ZC3H12B: variants seen among roughly 807,000 people sequenced by gnomAD.
ZC3H12B encodes the protein probable ribonuclease ZC3H12B.
ZC3H12B carries 7 observed loss-of-function variants against 43.9 expected under a neutral mutation model. The observed-to-expected ratio is 0.16, with a 90% confidence interval of 0.09 to 0.30. The LOEUF (loss-of-function observed/expected upper bound fraction) is 0.30, where lower values mean the gene tolerates loss of function less well. Ranked by LOEUF, ZC3H12B falls within the 10% of genes least tolerant of loss-of-function variation. ZC3H12B has a pLI of 1.00. For missense variants in ZC3H12B, 475 were observed against 670.2 expected (o/e 0.71, Z 3.22); for synonymous variants, 222 against 241.7 (o/e 0.92, Z 0.76).
chrX:65,121,165 A>T, the ZC3H12B span, among the ~76,000 whole-genome samples: 1 of 111,619 alleles, frequency 9.0e-6, no homozygotes, highest in Non-Finnish European at 1.9e-5. Flanking sequence ...CTGGCCTCAT[A>T]AAATGAGTTA....
chrX:65,128,216 A>T, the ZC3H12B span, among the ~76,000 whole-genome samples: 2 of 112,284 alleles, frequency 1.8e-5, no homozygotes, highest in African/African-American at 6.5e-5. Context: ...AGTGTGTAAT[A>T]ATCACATCAT....
chrX:65,190,302 A>T, the ZC3H12B span, among the ~76,000 whole-genome samples: 1 of 110,824 alleles, frequency 9.0e-6, no homozygotes, highest in African/African-American at 3.3e-5. Flanking sequence ...GTTCCATATG[A>T]ACTTTAAAGT....
the ZC3H12B span, among the ~76,000 whole-genome samples, chrX:65,145,549 TG>T: frequency 8.9e-6 from 1 of 111,948 alleles, no homozygotes; most frequent in African/African-American, 3.2e-5. Flanking sequence ...TGTTGCTTTT[TG>T]TTTTTGTTTT....
chrX:65,175,796 C>T, the ZC3H12B span, among the ~76,000 whole-genome samples: 3 of 112,163 alleles, frequency 2.7e-5, no homozygotes, highest in Non-Finnish European at 5.6e-5. Context: ...GGTTGGGAAA[C>T]TCCCTCTCCT....
intron 3 of ZC3H12B, 85 bp downstream of exon 8, chrX:65,499,318 TG>T: frequency 1.3e-6 from 1 of 746,060 alleles, no homozygotes; most frequent in Non-Finnish European, 1.9e-6. Context: ...ACACTTACTG[TG>T]TATCATACAT....
At chrX:65,096,530 T>G in the ZC3H12B span, among the ~76,000 whole-genome samples, 1 of 112,005 alleles carries the variant, frequency 8.9e-6, no homozygotes, top group African/African-American at 3.2e-5. Flanking sequence ...TTAATGGGCC[T>G]GTTAATAGAC....
chrX:65,110,256 T>A, the ZC3H12B span, among the ~76,000 whole-genome samples: 1 of 110,901 alleles, frequency 9.0e-6, no homozygotes, highest in Non-Finnish European at 1.9e-5. Flanking sequence ...TTCATCTTCT[T>A]AACAGGGTAT....
At chrX:65,164,522 G>A in the ZC3H12B span, among the ~76,000 whole-genome samples, 1 of 111,471 alleles carries the variant, frequency 9.0e-6, no homozygotes, top group Non-Finnish European at 1.9e-5. Context: ...TACAAAGGTG[G>A]TTTCAGTCCC....
At chrX:65,189,199 T>C in the ZC3H12B span, among the ~76,000 whole-genome samples, 1 of 105,491 alleles carries the variant, frequency 9.5e-6, no homozygotes, top group African/African-American at 3.6e-5. Context: ...TCTATCATTG[T>C]TGGACATGTG....
intron 2 of ZC3H12B, among the ~76,000 whole-genome samples, chrX:65,374,613 T>G (rs2066319120): frequency 9.1e-6 from 1 of 110,028 alleles, no homozygotes; most frequent in Non-Finnish European, 1.9e-5. Flanking sequence ...TAGTATTTGG[T>G]TTTAACTTTA....
At chrX:65,194,922 C>G in the ZC3H12B span, among the ~76,000 whole-genome samples, 4 of 111,364 alleles carry the variant, frequency 3.6e-5, no homozygotes, top group Non-Finnish European at 7.5e-5. Context: ...ATATAGTGAC[C>G]GTCTTTATCT....
chrX:65,379,905 G>GA (rs2148005303), intron 2 of ZC3H12B, among the ~76,000 whole-genome samples: 1 of 111,667 alleles, frequency 9.0e-6, no homozygotes, highest in South Asian at 3.7e-4. Flanking sequence ...GAAATTTAGA[G>GA]AAAAAAGAAT....
At chrX:65,258,115 G>A in the ZC3H12B span, among the ~76,000 whole-genome samples, 5 of 111,311 alleles carry the variant, frequency 4.5e-5, no homozygotes, top group Non-Finnish European at 9.4e-5. Context: ...TTTCCATGAT[G>A]AACATAGATG....
chrX:65,357,209 G>T, the ZC3H12B span: 2 of 396,289 alleles, frequency 5.0e-6, no homozygotes, highest in South Asian at 6.0e-5. Flanking sequence ...CTCTCAGGGT[G>T]AAATAGATTT....
chrX:65,273,744 G>A, the ZC3H12B span, among the ~76,000 whole-genome samples: 94 of 111,722 alleles, frequency 8.4e-4, no homozygotes, highest in African/African-American at 3.0e-3. Flanking sequence ...AGATAATCAG[G>A]GAATTTCTAA....
chrX:65,127,247 G>A, the ZC3H12B span, among the ~76,000 whole-genome samples: 2 of 111,750 alleles, frequency 1.8e-5, no homozygotes, highest in Non-Finnish European at 3.8e-5. Context: ...CCTTAGAACT[G>A]AATTGTAGTG....
the ZC3H12B span, among the ~76,000 whole-genome samples, chrX:65,079,077 C>T: frequency 1.8e-5 from 2 of 111,812 alleles, no homozygotes; most frequent in South Asian, 3.7e-4. Flanking sequence ...TCTACAAGTT[C>T]GATTGTTTTG....
At chrX:65,084,938 A>T in the ZC3H12B span, among the ~76,000 whole-genome samples, 1 of 112,547 alleles carries the variant, frequency 8.9e-6, no homozygotes, top group African/African-American at 3.2e-5. Context: ...AAAAAGAATG[A>T]GATCTTCTTA....
At chrX:65,312,102 C>A in the ZC3H12B span, among the ~76,000 whole-genome samples, 4 of 111,312 alleles carry the variant, frequency 3.6e-5, no homozygotes, top group Non-Finnish European at 7.5e-5. Context: ...ATTTAACAAA[C>A]CTGTACATTG....
Sources: gnomAD v4.1 joint callset for allele counts (sites outside exome capture counted in the v4.1 genomes callset) on GRCh38, gnomAD v4.1.1 for gene constraint, MANE v1.5 for transcripts, NCBI Gene and HGNC (gene_info 2026-07-23, HGNC 2026-07-21) for gene names.